Variants in CAMTA1 observed in about 807,000 individuals in gnomAD.
CAMTA1 encodes calmodulin binding transcription activator 1.
A neutral mutation model predicts 170.9 loss-of-function variants in CAMTA1; 27 were observed. That is an observed-to-expected ratio of 0.16 (90% CI 0.12 to 0.22). CAMTA1 has a LOEUF of 0.22. Ranked by LOEUF, CAMTA1 falls within the 10% of genes least tolerant of loss-of-function variation. CAMTA1 has a pLI of 1.00. For synonymous variants in CAMTA1, 833 were observed against 891.5 expected, an observed-to-expected ratio of 0.93 and a Z score of 1.17; for missense variants, 1,619 against 2,217.2, an observed-to-expected ratio of 0.73 and a Z score of 5.42.
At chr1:6,997,660 CTTTTTTTTTTT>C (rs111887834) in intron 3 of CAMTA1, among the ~76,000 whole-genome samples, 2 of 127,636 alleles carry the variant, frequency 1.6e-5, no homozygotes, top group South Asian at 2.4e-4. Context: ...TCTTTTCTTT[CTTTTTTTTTTT>C]TTTTTTGAGA....
intron 5 of CAMTA1, among the ~76,000 whole-genome samples, chr1:7,305,833 A>G (rs373883978): frequency 7.2e-5 from 11 of 152,020 alleles, no homozygotes; most frequent in African/African-American, 2.6e-4. Context: ...TTTTGTGTGT[A>G]TTTTGTTTTT....
At chr1:7,744,530 T>C (rs567455964) in intron 16 of CAMTA1, among the ~76,000 whole-genome samples, 53 of 152,286 alleles carry the variant, frequency 3.5e-4, no homozygotes, top group African/African-American at 1.1e-3. Flanking sequence ...ACTCTAGAAC[T>C]GCCCAGTGTC....
intron 3 of CAMTA1, among the ~76,000 whole-genome samples, chr1:6,941,513 G>A (rs1686619577): frequency 6.6e-6 from 1 of 152,178 alleles, no homozygotes; most frequent in African/African-American, 2.4e-5. Flanking sequence ...AGATTTAGGT[G>A]TAAATGGCCT....
At chr1:7,722,972 GAC>G (rs2096659263) in intron 11 of CAMTA1, among the ~76,000 whole-genome samples, 1 of 152,062 alleles carries the variant, frequency 6.6e-6, no homozygotes, top group Non-Finnish European at 1.5e-5. Context: ...TGCTATAGTA[GAC>G]ACAGAGACAT....
rs1389064464 is a variant in CAMTA1 at position 7,398,204 on chromosome 1, T to TCC, written c.439-69626_439-69625insCC. The stretch of plus-strand genomic sequence containing the variant: ...CTCTCTCTCTCTCTCTATATATATA[T>TCC]ATATATATATATATATATATATATA... On this transcript the variant is annotated intron_variant, in intron 5 of 22. Coordinates refer to ENST00000303635, the MANE Select transcript of CAMTA1 (RefSeq NM_015215.4). Among the ~76,000 whole-genome samples, 5 of 50,942 alleles carry TCC rather than the reference T, an allele frequency of 9.8e-5. No individual in the cohort carries two copies. The East Asian group carries it at 2.2e-3, about 22-fold the overall frequency. The allele number at this position is 50,942 out of a possible 152,430, so 33.4% of individuals were successfully genotyped here.
chr1:7,620,854 A>T (rs2095593171), intron 6 of CAMTA1, among the ~76,000 whole-genome samples: 1 of 152,192 alleles, frequency 6.6e-6, no homozygotes, highest in Non-Finnish European at 1.5e-5. Context: ...GGTCAGCCAG[A>T]TTCAAAGGTT....
intron 11 of CAMTA1, among the ~76,000 whole-genome samples, chr1:7,725,958 A>G (rs1317306241): frequency 1.3e-5 from 2 of 152,188 alleles, no homozygotes; most frequent in Non-Finnish European, 2.9e-5. Context: ...CGGGTGGGTC[A>G]CACACAGACT....
Position 7,094,836 on chromosome 1 carries a change from G to GT in CAMTA1, c.302+3472dup, listed in dbSNP as rs1274314057. Among the ~76,000 whole-genome samples the GT allele has an allele frequency of 5.9e-5, 9 of 152,264 alleles. 1 individual carries two copies. The Middle Eastern group carries it at 0.02, about 345-fold the overall frequency. ...TTTGAAAAATCACCCTGCGGAACGT[G>GT]TTTTTTTGGCACTTGCTGTGTGCTC... is the stretch of plus-strand genomic sequence containing the variant. On this transcript the variant is annotated intron_variant, in intron 4 of 22. Transcript: ENST00000303635.
chr1:6,790,574 G>A (rs573311432), intron 1 of CAMTA1, among the ~76,000 whole-genome samples: 28 of 152,132 alleles, frequency 1.8e-4, no homozygotes, highest in African/African-American at 6.5e-4. Flanking sequence ...TAAGGAAGTG[G>A]TAGAAAAATA....
chr1:7,657,049 C>T (rs1321820542), intron 7 of CAMTA1, among the ~76,000 whole-genome samples: 4 of 152,214 alleles, frequency 2.6e-5, no homozygotes, highest in African/African-American at 7.2e-5. Flanking sequence ...CTGTGTTTCA[C>T]GGGGCAGCCG....
rs577652427 is a variant in CAMTA1, at chr1:7,661,876, G to A, written c.805+10G>A. 1.7e-4 allele frequency: 266 copies of A among 1,599,750 alleles called. 1 individual carries two copies. In the South Asian group the frequency reaches 2.8e-3, roughly 17 times the overall value. ...TGCACCGGCAGCCTGGGTGAGCCGG[G>A]GCTCCCGGGGCAGGCGGGCGCCACG... is the stretch of plus-strand genomic sequence containing the variant. On this transcript the variant is annotated intron_variant, in intron 8 of 22. Coordinates refer to ENST00000303635, the MANE Select transcript of CAMTA1 (RefSeq NM_015215.4).
In CAMTA1 at chr1:7,736,383, A is replaced by G; in HGVS notation, c.3106A>G (p.Ser1036Gly). The change falls in exon 13 of 23, where the codon AGC becomes GGC. Residue 1036 changes from serine (S) to glycine (G), a missense_variant. Physicochemically the swap from Ser to Gly is moderately conservative, Grantham distance 56 (BLOSUM62 0). This residue lies in a region of CAMTA1 where 143 missense variants were observed against 184.2 expected (regional missense o/e 0.78). Transcript: ENST00000303635. The surrounding 1 kb of genome is among the most constrained non-coding windows in gnomAD (Gnocchi z 4.5). Reference protein sequence around the residue: ...GTGALGSCFESRVVVVCEKMM... With the variant: ...GTGALGSCFEGRVVVVCEKMM... ...TGGGGCCTTGGGGAGCTGCTTTGAG[A>G]GCCGTGTGGTCGTGGTATGCGAGAA... 6.2e-7 allele frequency: 1 copy of G among 1,614,016 alleles called. No individual in the cohort carries two copies. The highest frequency in any genetic ancestry group is 1.3e-5 in the African/African-American group (1 of 74,976).
chr1:6,953,351 C>T (rs747328125), intron 3 of CAMTA1, among the ~76,000 whole-genome samples: 12 of 152,332 alleles, frequency 7.9e-5, no homozygotes, highest in Non-Finnish European at 1.5e-4. Flanking sequence ...GGGCCAGGGT[C>T]CAACCCCGGG....
chr1:7,097,706 C>A (rs1642238567), intron 4 of CAMTA1, among the ~76,000 whole-genome samples: 1 of 152,212 alleles, frequency 6.6e-6, no homozygotes, highest in Admixed American at 6.5e-5. Flanking sequence ...CCTGCTGCAA[C>A]CTGGATGAAG....
chr1:7,464,251 C>T (rs2093159617), intron 5 of CAMTA1, among the ~76,000 whole-genome samples: 1 of 152,158 alleles, frequency 6.6e-6, no homozygotes, highest in Admixed American at 6.5e-5. Context: ...CACGCGTGTG[C>T]ACCTCACACG....
At chr1:7,483,077 C>T (rs1168949166) in intron 6 of CAMTA1, among the ~76,000 whole-genome samples, 3 of 152,196 alleles carry the variant, frequency 2.0e-5, no homozygotes, top group Non-Finnish European at 4.4e-5. Flanking sequence ...ATGTCTCAGC[C>T]TCTCTCAGGA....
At chr1:7,573,045 G>A (rs2095143610) in intron 6 of CAMTA1, among the ~76,000 whole-genome samples, 1 of 152,180 alleles carries the variant, frequency 6.6e-6, no homozygotes, top group Non-Finnish European at 1.5e-5. Flanking sequence ...CTTATTTTAA[G>A]CCATATTTGT....
intron 9 of CAMTA1, among the ~76,000 whole-genome samples, chr1:7,670,125 C>G (rs2096044985): frequency 6.6e-6 from 1 of 152,174 alleles, no homozygotes; most frequent in African/African-American, 2.4e-5. Context: ...GAGGCTGCTC[C>G]CAGCCAGGCT....
intron 4 of CAMTA1, among the ~76,000 whole-genome samples, chr1:7,127,247 CTTTTTTTTT>C (rs61211407): frequency 2.4e-4 from 18 of 73,500 alleles, no homozygotes; most frequent in African/African-American, 1.0e-3. Context: ...GCCAGAGGGG[CTTTTTTTTT>C]TTTTTTTTTT....
Sources: allele counts gnomAD v4.1 joint callset (sites outside exome capture counted in the v4.1 genomes callset), GRCh38; gene constraint gnomAD v4.1.1; regional missense constraint gnomAD v4.1.1; non-coding constraint Gnocchi (gnomAD v3.1); transcripts MANE v1.5; gene names NCBI Gene and HGNC (gene_info 2026-07-23, HGNC 2026-07-21).